Variants in FBXO11 observed in about 807,000 individuals in gnomAD.
FBXO11 encodes the protein F-box only protein 11.
FBXO11 carries 13 observed loss-of-function variants against 117.0 expected under a neutral mutation model. The observed-to-expected ratio is 0.11, with a 90% CI of 0.07 to 0.18. FBXO11 has a LOEUF of 0.18. FBXO11 is among the 10% of genes least tolerant of loss of function. The probability of loss-of-function intolerance (pLI) is 1.00; values close to 1 mark genes in which losing one functional copy is unlikely to be tolerated. For synonymous variants in FBXO11, 490 were observed against 380.5 expected (o/e 1.29, Z -3.35); for missense variants, 767 against 1,164.4 (o/e 0.66, Z 4.97).
At chr2:47,835,314 G>T (rs1672467748) in intron 5 of FBXO11, among the ~76,000 whole-genome samples, 3 of 152,150 alleles carry the variant, frequency 2.0e-5, no homozygotes, top group Admixed American at 2.0e-4. Flanking sequence ...GCTAAATGTG[G>T]AACTTTAAAA....
At chr2:47,860,479 C>T (rs1241859514) in intron 1 of FBXO11, among the ~76,000 whole-genome samples, 2 of 150,616 alleles carry the variant, frequency 1.3e-5, no homozygotes, top group East Asian at 1.9e-4. Flanking sequence ...GGCACAATCT[C>T]GGCCCACTGA....
At chr2:47,818,675 T>C (rs930561087) in intron 16 of FBXO11, 104 bp downstream of exon 16, 9 of 726,204 alleles carry the variant, frequency 1.2e-5, no homozygotes, top group African/African-American at 1.8e-5. Flanking sequence ...ATATATACAA[T>C]AGGGGGATAA....
chr2:47,810,182 G>GA, intron 19 of FBXO11, 134 bp downstream of exon 19: 1 of 594,666 alleles, frequency 1.7e-6, no homozygotes, highest in Non-Finnish European at 2.9e-6. Flanking sequence ...TCTTGTAAGT[G>GA]AATGAACAGG....
chr2:47,824,441 G>A (rs1191782891), intron 11 of FBXO11, among the ~76,000 whole-genome samples: 3 of 152,126 alleles, frequency 2.0e-5, no homozygotes, highest in East Asian at 1.9e-4. Flanking sequence ...GCAGTGAGCC[G>A]TAATCACACC....
intron 4 of FBXO11, 80 bp downstream of exon 4, chr2:47,838,779 C>T: frequency 7.3e-7 from 1 of 1,367,236 alleles, no homozygotes; most frequent in Non-Finnish European, 1.0e-6. Context: ...CAACTCACCG[C>T]ACCGACTTTC....
rs200822501 is a variant in FBXO11 at position 47,825,947 on chromosome 2, T to TA, written c.1399-2588dup. Among the ~76,000 whole-genome samples, 52 of 151,676 alleles carry TA rather than the reference T, an allele frequency of 3.4e-4. No individual in the cohort carries two copies. The East Asian group carries it at 4.5e-3, about 13-fold the overall frequency. Reference sequence around the variant, plus strand: ...GATACCTCTGAATGCAGTGATACAGTAAAAAAAAATTGATATACACTGACT... The same window carrying TA: ...GATACCTCTGAATGCAGTGATACAGTAAAAAAAAAATTGATATACACTGACT... On this transcript the variant is annotated intron_variant, in intron 11 of 22. Coordinates refer to ENST00000403359, the MANE Select transcript of FBXO11 (RefSeq NM_001190274.2).
chr2:47,882,279 T>A (rs933130139), intron 1 of FBXO11, among the ~76,000 whole-genome samples: 1 of 152,216 alleles, frequency 6.6e-6, no homozygotes, highest in Non-Finnish European at 1.5e-5. Context: ...TTGAATGTTG[T>A]GGAGAATTCT....
intron 1 of FBXO11, among the ~76,000 whole-genome samples, chr2:47,877,991 G>A (rs1676138295): frequency 6.6e-6 from 1 of 151,920 alleles, no homozygotes; most frequent in Non-Finnish European, 1.5e-5. Flanking sequence ...CCCAGAATGA[G>A]GTCTTATAAT....
intron 1 of FBXO11, among the ~76,000 whole-genome samples, chr2:47,893,536 G>C (rs370014063): frequency 2.4e-4 from 36 of 152,198 alleles, no homozygotes; most frequent in African/African-American, 8.4e-4. Flanking sequence ...TTAAAAACCA[G>C]AAGACAATGA....
In FBXO11 at chr2:47,901,171, G is replaced by A. The variant is rs560736635; in HGVS notation, c.232+4318C>T. Among the ~76,000 whole-genome samples, 6 of 134,940 alleles carry A rather than the reference G, an allele frequency of 4.4e-5. No homozygotes were observed. The East Asian group carries it at 1.1e-3, about 25-fold the overall frequency. 88.5% of individuals were successfully genotyped at this position (134,940 alleles called of 152,430 possible). On this transcript the variant is annotated intron_variant, in intron 1 of 22. Transcript: ENST00000403359. The stretch of plus-strand genomic sequence containing the variant: ...CGTGTGTACATATATACATATATAT[G>A]TATATATATGTGGGTACATATATAT...
rs1458092689 is a variant in FBXO11, at chr2:47,833,019, G to C, written c.986C>G (p.Thr329Ser). ...TTCAGAGCCTTCCATAAAAACGAAG[G>C]TTGAATCTCTAGTGTTTTCAATTAT... ...KVIIENTRDS[T>S]FVFMEGSEDA... The change falls in exon 8 of 23, where the codon ACC becomes AGC. Residue 329 changes from threonine to serine, a missense_variant. Thr to Ser is a moderately conservative substitution (Grantham distance 58, BLOSUM62 1). Transcript: ENST00000403359. The C allele has an allele frequency of 6.2e-7, 1 of 1,613,738 alleles. No homozygotes were observed.
At chr2:47,845,456 G>A (rs958139849) in intron 1 of FBXO11, among the ~76,000 whole-genome samples, 8 of 152,134 alleles carry the variant, frequency 5.3e-5, no homozygotes, top group Non-Finnish European at 1.5e-5. Context: ...ACTACTGACT[G>A]TTCTGAGAAT....
intron 1 of FBXO11, among the ~76,000 whole-genome samples, chr2:47,851,239 T>G (rs1422931942): frequency 6.6e-6 from 1 of 152,178 alleles, no homozygotes; most frequent in Non-Finnish European, 1.5e-5. Context: ...TTTCTTTTCT[T>G]TTTTTGAGAC....
chr2:47,896,352 GGTCTTAAAACTCT>G (rs1677665517), intron 1 of FBXO11, among the ~76,000 whole-genome samples: 1 of 145,664 alleles, frequency 6.9e-6, no homozygotes, highest in South Asian at 2.1e-4. Flanking sequence ...TTTGAGACAA[GGTCTTAAAACTCT>G]GTCACCCAGG....
intron 1 of FBXO11, among the ~76,000 whole-genome samples, chr2:47,904,012 T>C (rs546921760): frequency 6.6e-6 from 1 of 152,238 alleles, no homozygotes; most frequent in African/African-American, 2.4e-5. Context: ...AAGCAACATA[T>C]AGCAAACTGC....
intron 1 of FBXO11, among the ~76,000 whole-genome samples, chr2:47,880,328 T>C (rs1676346546): frequency 6.6e-6 from 1 of 152,218 alleles, no homozygotes; most frequent in Non-Finnish European, 1.5e-5. Flanking sequence ...TGAATCAGTA[T>C]AAAAGGTCTT....
At chr2:47,820,889 C>T (rs1671331104) in intron 13 of FBXO11, among the ~76,000 whole-genome samples, 1 of 152,176 alleles carries the variant, frequency 6.6e-6, no homozygotes, top group Non-Finnish European at 1.5e-5. Context: ...AAGTATTAAC[C>T]AGGTTAGAGT....
intron 1 of FBXO11, among the ~76,000 whole-genome samples, chr2:47,883,140 T>C (rs1342674929): frequency 1.3e-5 from 2 of 152,230 alleles, no homozygotes; most frequent in Non-Finnish European, 2.9e-5. Flanking sequence ...ATCTGTTCTG[T>C]AGCAACACTT....
chr2:47,894,401 A>G (rs1055462849), intron 1 of FBXO11, among the ~76,000 whole-genome samples: 3 of 152,236 alleles, frequency 2.0e-5, no homozygotes, highest in Non-Finnish European at 4.4e-5. Flanking sequence ...TTTTCATAAG[A>G]GTTAAAGAGA....
Sources: allele counts gnomAD v4.1 joint callset (sites outside exome capture counted in the v4.1 genomes callset), GRCh38; gene constraint gnomAD v4.1.1; transcripts MANE v1.5; gene names NCBI Gene and HGNC (gene_info 2026-07-23, HGNC 2026-07-21).